The following AGBL1 variants were observed in gnomAD, a reference collection of about 807,000 sequenced individuals.
AGBL1 encodes cytosolic carboxypeptidase 4.
Under a neutral mutation model 118.9 loss-of-function variants are expected in AGBL1, and 130 were observed. The observed-to-expected ratio is 1.09, with a 90% CI of 0.95 to 1.26. The LOEUF (loss-of-function observed/expected upper bound fraction) is 1.26, where lower values mean the gene tolerates loss of function less well. AGBL1 is among the 50% of genes most tolerant of loss of function. The probability of loss-of-function intolerance (pLI) is 0.00; values close to 1 mark genes in which losing one functional copy is unlikely to be tolerated. For synonymous variants in AGBL1, 555 were observed against 478.9 expected, an observed-to-expected ratio of 1.16 and a Z score of -2.08; for missense variants, 1,584 against 1,298.1, an observed-to-expected ratio of 1.22 and a Z score of -3.38.
intron 19 of AGBL1, among the ~76,000 whole-genome samples, chr15:86,537,196 T>C (rs1481005572): frequency 6.6e-6 from 1 of 152,112 alleles, no homozygotes; most frequent in Non-Finnish European, 1.5e-5. Flanking sequence ...ACCCCAAGGG[T>C]TTAGCCAGAC....
At chr15:86,176,254 A>G (rs1023153816) in intron 5 of AGBL1, among the ~76,000 whole-genome samples, 1 of 152,168 alleles carries the variant, frequency 6.6e-6, no homozygotes. Context: ...CAAACTGGCA[A>G]GCATTATTGA....
At chr15:86,974,629 A>G (rs1338158241) in intron 23 of AGBL1, among the ~76,000 whole-genome samples, 1 of 144,480 alleles carries the variant, frequency 6.9e-6, no homozygotes, top group Non-Finnish European at 1.5e-5. Flanking sequence ...ATATTTATAT[A>G]TTTAACTTTT....
At chr15:86,219,589 C>G (rs1014798050) in intron 5 of AGBL1, among the ~76,000 whole-genome samples, 2 of 151,964 alleles carry the variant, frequency 1.3e-5, no homozygotes, top group South Asian at 4.1e-4. Context: ...AGTCCTGCCA[C>G]TCAAAGATGC....
chr15:86,794,236 G>T (rs907301582), intron 22 of AGBL1, among the ~76,000 whole-genome samples: 27 of 152,192 alleles, frequency 1.8e-4, no homozygotes, highest in African/African-American at 6.0e-4. Flanking sequence ...ATAAAAAGTG[G>T]TGTGTCTATA....
intron 24 of AGBL1, among the ~76,000 whole-genome samples, chr15:86,991,033 G>A (rs920736221): frequency 6.6e-6 from 1 of 152,156 alleles, no homozygotes; most frequent in African/African-American, 2.4e-5. Context: ...TTCATTTGTT[G>A]CTGTTAGCAT....
intron 22 of AGBL1, among the ~76,000 whole-genome samples, chr15:86,747,209 A>G (rs2077770431): frequency 6.6e-6 from 1 of 151,980 alleles, no homozygotes; most frequent in South Asian, 2.1e-4. Context: ...TGAGAGGAGA[A>G]TGTAAGAGTA....
intron 24 of AGBL1, among the ~76,000 whole-genome samples, chr15:86,990,739 A>G (rs1167541228): frequency 6.6e-6 from 1 of 152,142 alleles, no homozygotes; most frequent in Non-Finnish European, 1.5e-5. Context: ...AAAGAGTCTC[A>G]GGGAGTTAGC....
At chr15:86,417,547 C>G (rs1045183064) in intron 18 of AGBL1, among the ~76,000 whole-genome samples, 1 of 152,150 alleles carries the variant, frequency 6.6e-6, no homozygotes, top group African/African-American at 2.4e-5. Context: ...TGGAAACAGA[C>G]AATTCAAAAT....
chr15:86,313,435 A>G (rs1284006091), intron 17 of AGBL1, among the ~76,000 whole-genome samples: 4 of 152,230 alleles, frequency 2.6e-5, no homozygotes, highest in Admixed American at 2.6e-4. Context: ...TTAAGTTGTT[A>G]TGAAAAGCAA....
At chr15:86,307,810 A>G (rs146236727) in intron 17 of AGBL1, among the ~76,000 whole-genome samples, 54 of 152,282 alleles carry the variant, frequency 3.5e-4, no homozygotes, top group African/African-American at 1.3e-3. Flanking sequence ...TTTATATAAC[A>G]TATAGACCTA....
chr15:86,207,204 G>T lies in AGBL1; in HGVS notation c.489-17710G>T, dbSNP rs145173292. On this transcript the variant is annotated intron_variant, in intron 5 of 22. Transcript: ENST00000614907. ...TTGGTACCAGTATCATGCTGTTTTG[G>T]TTACTGTAGCTTGTAGTATAGTTTG... is the stretch of plus-strand genomic sequence containing the variant. Among the ~76,000 whole-genome samples, 395 of 152,254 alleles carry T rather than the reference G, an allele frequency of 2.6e-3. 3 individuals are homozygous for T. Among genetic ancestry groups the T allele is most frequent in the Admixed American group, 6.8e-3 (104 of 15,302 alleles).
At chr15:86,832,051 G>A (rs1596530863) in intron 22 of AGBL1, among the ~76,000 whole-genome samples, 1 of 152,334 alleles carries the variant, frequency 6.6e-6, no homozygotes, top group Non-Finnish European at 1.5e-5. Flanking sequence ...CTGAAGCAAC[G>A]GCCTGAGCTC....
At chr15:86,942,080 G>C (rs2080759894) in intron 23 of AGBL1, among the ~76,000 whole-genome samples, 1 of 152,202 alleles carries the variant, frequency 6.6e-6, no homozygotes. Context: ...TTGATCCAGA[G>C]AGTTGAGAAC....
intron 18 of AGBL1, among the ~76,000 whole-genome samples, chr15:86,478,097 T>C (rs28870678): frequency 0.075 from 11,416 of 152,132 alleles, 1,048 homozygotes; most frequent in African/African-American, 0.22. Context: ...TAATAAGAGC[T>C]ATTTATGACA....
At chr15:86,192,972 T>G (rs2077746698) in intron 5 of AGBL1, among the ~76,000 whole-genome samples, 1 of 152,194 alleles carries the variant, frequency 6.6e-6, no homozygotes, top group Admixed American at 6.5e-5. Flanking sequence ...AAAAGAGATT[T>G]TAATTTTGTA....
chr15:86,414,837 A>G (rs151274572), intron 18 of AGBL1, among the ~76,000 whole-genome samples: 69 of 152,288 alleles, frequency 4.5e-4, no homozygotes, highest in African/African-American at 1.7e-3. Flanking sequence ...GCACATTAGC[A>G]TCGTGGCTAA....
intron 21 of AGBL1, among the ~76,000 whole-genome samples, chr15:86,671,011 G>T (rs780620444): frequency 3.3e-5 from 5 of 152,052 alleles, no homozygotes; most frequent in Non-Finnish European, 7.4e-5. Context: ...GAATACTAGT[G>T]TGATAGACAC....
chr15:86,651,045 G>A (rs1036718272), intron 21 of AGBL1, among the ~76,000 whole-genome samples: 4 of 152,210 alleles, frequency 2.6e-5, no homozygotes, highest in African/African-American at 9.6e-5. Context: ...TCACTGAAGT[G>A]TCTTTAAGAC....
At chr15:86,330,975 T>C (rs886889824) in intron 17 of AGBL1, among the ~76,000 whole-genome samples, 6 of 152,134 alleles carry the variant, frequency 3.9e-5, no homozygotes, top group African/African-American at 1.4e-4. Context: ...TCTGTAATCC[T>C]GGCACTTTGG....
Sources: allele counts gnomAD v4.1 joint callset (sites outside exome capture counted in the v4.1 genomes callset), GRCh38; gene constraint gnomAD v4.1.1; transcripts MANE v1.5; gene names NCBI Gene and HGNC (gene_info 2026-07-23, HGNC 2026-07-21).